PPP1R12A: variants seen among roughly 807,000 people sequenced by gnomAD.
PPP1R12A encodes myosin binding subunit.
In PPP1R12A, 19 loss-of-function variants were observed where a neutral mutation model predicts 139.6. That is an observed-to-expected ratio of 0.14 (90% CI 0.09 to 0.20). The LOEUF (loss-of-function observed/expected upper bound fraction) is 0.20, where lower values mean the gene tolerates loss of function less well. Among genes scored for constraint, PPP1R12A ranks in the 10% least tolerant of loss-of-function variants. The pLI, the probability that PPP1R12A is intolerant of heterozygous loss-of-function variation, is 1.00. For synonymous variants in PPP1R12A, 427 were observed against 420.6 expected, an observed-to-expected ratio of 1.02 and a Z score of -0.19; for missense variants, 925 against 1,211.5, an observed-to-expected ratio of 0.76 and a Z score of 3.51.
At chr12:79,844,695 T>C (rs995932162) in intron 3 of PPP1R12A, among the ~76,000 whole-genome samples, 11 of 152,198 alleles carry the variant, frequency 7.2e-5, no homozygotes, top group Non-Finnish European at 1.3e-4. Flanking sequence ...AATCCCTCCA[T>C]TGGCTTCCTA....
Position 79,810,002 on chromosome 12 carries a change from G to A in PPP1R12A, c.1248C>T (p.Thr416=). The change falls in exon 10 of 25, where the codon ACC becomes ACT. Residue 416 remains threonine (T), a synonymous_variant. Coordinates refer to ENST00000450142, the MANE Select transcript of PPP1R12A (RefSeq NM_002480.3). ...CTTTGGGAGAAATTTTTGTAGCTGT[G>A]GTTGGAAACTGTGTTTATTTTATTT... ...TPTSPIKKFP[T]TATKISPKEE... is the part of the protein sequence containing the mutation. 1.2e-6 allele frequency: 2 copies of A among 1,608,288 alleles called. No homozygotes were observed. The highest frequency in any genetic ancestry group is 1.7e-6 in the Non-Finnish European group (2 of 1,177,478).
intron 1 of PPP1R12A, among the ~76,000 whole-genome samples, chr12:79,914,703 C>T (rs768658422): frequency 1.3e-5 from 2 of 151,956 alleles, no homozygotes; most frequent in Non-Finnish European, 2.9e-5. Context: ...ACATGAATAA[C>T]CTGAGATGGA....
chr12:79,837,435 C>CAAAT (rs1878217376), intron 3 of PPP1R12A, among the ~76,000 whole-genome samples: 1 of 152,018 alleles, frequency 6.6e-6, no homozygotes, highest in African/African-American at 2.4e-5. Context: ...AGTTATTGAT[C>CAAAT]AAATGTACTG....
At chr12:79,799,058 C>A (rs769014764) in intron 14 of PPP1R12A, among the ~76,000 whole-genome samples, 1 of 152,134 alleles carries the variant, frequency 6.6e-6, no homozygotes, top group East Asian at 1.9e-4. Context: ...ACTTAATGAC[C>A]TACTAAAAGG....
At chr12:79,843,663 T>C (rs900041978) in intron 3 of PPP1R12A, among the ~76,000 whole-genome samples, 2 of 137,242 alleles carry the variant, frequency 1.5e-5, no homozygotes, top group African/African-American at 5.7e-5. Flanking sequence ...GATATAGATA[T>C]AGATATAGAT....
chr12:79,899,236 ATAT>A lies in PPP1R12A; in HGVS notation c.238-26301_238-26299del, dbSNP rs1885412875. On this transcript the variant is annotated intron_variant, in intron 1 of 24. Transcript: ENST00000450142. ...AATGAAATGCAGAGATCTTAAAAAT[ATAT>A]ATATATATATATATATATATATATA... Among the ~76,000 whole-genome samples, 36 of 3,616 alleles carry A rather than the reference ATAT, an allele frequency of 1.0e-2. No individual in the cohort carries two copies. In the Admixed American group the frequency reaches 0.14, roughly 14 times the overall value. The allele number at this position is 3,616 out of a possible 152,430, so 2.4% of individuals were successfully genotyped here. A position where few individuals can be genotyped will look rare whatever the true frequency, so the allele number is the denominator to read the frequency against.
At chr12:79,786,568 G>A (rs1871160100) in intron 21 of PPP1R12A, 90 bp from the exon 22 acceptor site, 2 of 772,114 alleles carry the variant, frequency 2.6e-6, no homozygotes, top group African/African-American at 3.6e-5. Context: ...TATTAAAACA[G>A]CTTAATGTAG....
At position 79,805,980 on chromosome 12, in the gene PPP1R12A, T is replaced by C. The variant is rs369375917; in HGVS notation, c.1823+186A>G. 8.5e-5 allele frequency among the ~76,000 whole-genome samples: 13 copies of C among 152,336 alleles called. No homozygotes were observed. In the East Asian group the frequency reaches 9.7e-4, roughly 11 times the overall value. ...AGCAGTCTAATTCAAGGAAAGTTCATAGTTCAGGAACTTAAAATTTCCCCC... is the reference window on the plus strand; with the variant it reads ...AGCAGTCTAATTCAAGGAAAGTTCACAGTTCAGGAACTTAAAATTTCCCCC... On this transcript the variant is annotated intron_variant, in intron 13 of 24. Coordinates refer to ENST00000450142, the MANE Select transcript of PPP1R12A (RefSeq NM_002480.3).
At position 79,918,853 on chromosome 12, in the gene PPP1R12A, C is replaced by A. The variant is rs113138569; in HGVS notation, c.237+15842G>T. 3.0e-4 allele frequency among the ~76,000 whole-genome samples: 46 copies of A among 152,302 alleles called. No individual in the cohort carries two copies. In the Middle Eastern group the frequency reaches 0.01, roughly 34 times the overall value. ...TCAACTGGCCAGGTGCAGTGGCTCA[C>A]GCCTGTAATCCCAGCACTTTGGGAG... On this transcript the variant is annotated intron_variant, in intron 1 of 24. Transcript: ENST00000450142.
intron 1 of PPP1R12A, among the ~76,000 whole-genome samples, chr12:79,884,068 T>C (rs995245586): frequency 6.6e-6 from 1 of 152,144 alleles, no homozygotes; most frequent in African/African-American, 2.4e-5. Flanking sequence ...ACAGGTCTGG[T>C]ATATAAAGAC....
intron 23 of PPP1R12A, chr12:79,779,682 T>G: frequency 3.9e-6 from 1 of 259,648 alleles, no homozygotes. Flanking sequence ...GCACATAAAG[T>G]GTCATATTTG....
intron 2 of PPP1R12A, among the ~76,000 whole-genome samples, chr12:79,866,281 A>C (rs1335626880): frequency 6.6e-6 from 1 of 152,238 alleles, no homozygotes; most frequent in Non-Finnish European, 1.5e-5. Flanking sequence ...CAGAAAACTG[A>C]AACTAGACCA....
intron 19 of PPP1R12A, 151 bp downstream of exon 19, chr12:79,793,712 T>C (rs1281257121): frequency 3.5e-6 from 2 of 577,310 alleles, no homozygotes; most frequent in Admixed American, 3.5e-5. Flanking sequence ...CTTTTAATCC[T>C]GATCCCCAGG....
intron 2 of PPP1R12A, among the ~76,000 whole-genome samples, chr12:79,864,524 A>C (rs1592734401): frequency 6.6e-6 from 1 of 152,188 alleles, no homozygotes; most frequent in Non-Finnish European, 1.5e-5. Context: ...ACAGAAAAAA[A>C]ACCCTTCAAA....
At position 79,846,686 on chromosome 12, in the gene PPP1R12A, C is replaced by T. The variant is rs547287114; in HGVS notation, c.369-1266G>A. Among the ~76,000 whole-genome samples the T allele has an allele frequency of 3.3e-5, 5 of 151,600 alleles. No homozygotes were observed. The South Asian group carries it at 1.0e-3, about 32-fold the overall frequency. ...CCTCGTGATCCGCCTGCCTCGGCCT[C>T]CCAAAGTGCTGGGATTACAGGAGTG... On this transcript the variant is annotated intron_variant, in intron 2 of 24. Coordinates refer to ENST00000450142, the MANE Select transcript of PPP1R12A (RefSeq NM_002480.3).
intron 1 of PPP1R12A, among the ~76,000 whole-genome samples, chr12:79,928,523 A>C (rs2136967959): frequency 6.6e-6 from 1 of 152,352 alleles, no homozygotes; most frequent in African/African-American, 2.4e-5. Context: ...ATGAGCATAA[A>C]GTGTTACAGC....
chr12:79,844,141 TCAC>T (rs1361292420), intron 3 of PPP1R12A, among the ~76,000 whole-genome samples: 1 of 152,088 alleles, frequency 6.6e-6, no homozygotes, highest in Non-Finnish European at 1.5e-5. Flanking sequence ...GGTGTAACCA[TCAC>T]CACAATCAAC....
At chr12:79,821,247 A>G (rs1192902557) in intron 6 of PPP1R12A, 81 bp from the exon 7 acceptor site, 30 of 1,005,296 alleles carry the variant, frequency 3.0e-5, no homozygotes, top group Non-Finnish European at 4.5e-5. Flanking sequence ...AATAATAACA[A>G]AGTAGTTTTT....
chr12:79,821,251 A>C, intron 6 of PPP1R12A, 85 bp from the exon 7 acceptor site: 1 of 920,508 alleles, frequency 1.1e-6, no homozygotes, highest in Non-Finnish European at 1.7e-6. Flanking sequence ...ATAACAAAGT[A>C]GTTTTTCAGA....
Sources: allele counts gnomAD v4.1 joint callset (sites outside exome capture counted in the v4.1 genomes callset), GRCh38; gene constraint gnomAD v4.1.1; transcripts MANE v1.5; gene names NCBI Gene and HGNC (gene_info 2026-07-23, HGNC 2026-07-21).